TRPM1: variants seen among roughly 807,000 people sequenced by gnomAD.
TRPM1 encodes the protein TRPM1-203 APA Isoform, Intron 10.
In TRPM1, 113 loss-of-function variants were observed where a neutral mutation model predicts 149.4. The observed-to-expected ratio is 0.76, with a 90% CI of 0.65 to 0.88. The LOEUF (loss-of-function observed/expected upper bound fraction) is 0.88. TRPM1 is among the 40% of genes least tolerant of loss of function. TRPM1 has a pLI of 0.00. For missense variants in TRPM1, 1,976 were observed against 2,038.7 expected (o/e 0.97, Z 0.59); for synonymous variants, 741 against 759.5 (o/e 0.98, Z 0.40).
At chr15:31,158,626 CAAAA>C (rs749062439) in intron 1 of TRPM1, among the ~76,000 whole-genome samples, 1 of 59,790 alleles carries the variant, frequency 1.7e-5, no homozygotes. Context: ...GACTCCATCT[CAAAA>C]AAAAAAAAAA....
At chr15:31,125,546 C>T (rs1352771972) in intron 1 of TRPM1, among the ~76,000 whole-genome samples, 3 of 149,630 alleles carry the variant, frequency 2.0e-5, no homozygotes, top group East Asian at 2.0e-4. Flanking sequence ...CCGGCTAAAA[C>T]GGTGAAACCT....
intron 1 of TRPM1, among the ~76,000 whole-genome samples, chr15:31,108,857 A>C (rs934935789): frequency 3.3e-5 from 5 of 152,220 alleles, no homozygotes; most frequent in African/African-American, 1.2e-4. Context: ...GACTGTAATG[A>C]AGTGGAAAGT....
intron 27 of TRPM1, among the ~76,000 whole-genome samples, chr15:31,022,995 C>G (rs374726677): frequency 6.6e-6 from 1 of 152,218 alleles, no homozygotes; most frequent in Admixed American, 6.5e-5. Context: ...GCACTGGGCA[C>G]AGAGCGAGAC....
intron 3 of TRPM1, among the ~76,000 whole-genome samples, chr15:31,071,834 C>A (rs943614763): frequency 2.0e-5 from 3 of 151,188 alleles, no homozygotes; most frequent in Non-Finnish European, 4.4e-5. Context: ...TGTGGTGGCA[C>A]ACGTCTGTAA....
intron 1 of TRPM1, among the ~76,000 whole-genome samples, chr15:31,141,486 A>G (rs1402243519): frequency 2.0e-5 from 3 of 152,186 alleles, no homozygotes; most frequent in Non-Finnish European, 4.4e-5. Flanking sequence ...CAAAATATGG[A>G]CTAAGGAAGA....
At chr15:31,069,554 G>A in intron 4 of TRPM1, 1 of 1,184,924 alleles carries the variant, frequency 8.4e-7, no homozygotes, top group East Asian at 3.8e-5. Context: ...CACTGGAAGG[G>A]CAGAGGGCAC....
At position 31,050,504 on chromosome 15, in the gene TRPM1, C is replaced by T. The variant is rs73372436; in HGVS notation, c.1342G>A (p.Gly448Arg). The T allele has an allele frequency of 1.8e-3, 2,915 of 1,614,100 alleles. 51 individuals carry two copies. The African/African-American group carries it at 0.034, about 19-fold the overall frequency. ...EKKPPMATTK[G>R]GRGKGKGKKK... ...TTGCCTTTCCCTTTTCCTCTTCCTC[C>T]CTTGGTGGTGGCCATGGGTGGCTTC... Residue 448 changes from glycine to arginine, a missense_variant, in exon 12 of 28, where the codon GGA becomes AGA. Gly to Arg is a moderately radical substitution (Grantham distance 125). This residue lies in a region of TRPM1 where 1,332 missense variants were observed against 1,347.1 expected (regional missense o/e 0.99). Coordinates refer to ENST00000256552, the MANE Select transcript of TRPM1 (RefSeq NM_001252024.2).
intron 9 of TRPM1, 57 bp from the exon 10 acceptor site, chr15:31,061,571 G>A (rs2034233391): frequency 6.8e-7 from 1 of 1,479,672 alleles, no homozygotes. Context: ...GGAGATATGG[G>A]GTGTTGTTAC....
chr15:31,155,040 G>A (rs2036349540), intron 1 of TRPM1, among the ~76,000 whole-genome samples: 1 of 152,220 alleles, frequency 6.6e-6, no homozygotes, highest in Non-Finnish European at 1.5e-5. Context: ...CTGTCTCCAT[G>A]AATTGGCTCT....
chr15:31,041,617 ACAGGCT>A (rs1406210107), intron 17 of TRPM1, among the ~76,000 whole-genome samples: 1 of 152,226 alleles, frequency 6.6e-6, no homozygotes, highest in African/African-American at 2.4e-5. Flanking sequence ...AGTCCAGGGC[ACAGGCT>A]CATTAATGTT....
intron 1 of TRPM1, among the ~76,000 whole-genome samples, chr15:31,094,521 C>T (rs1202667861): frequency 1.3e-5 from 2 of 152,138 alleles, no homozygotes; most frequent in Non-Finnish European, 2.9e-5. Flanking sequence ...AACTCAACAA[C>T]AAAAAGACAA....
intron 27 of TRPM1, among the ~76,000 whole-genome samples, chr15:31,024,006 AT>A (rs2140895226): frequency 6.6e-6 from 1 of 152,306 alleles, no homozygotes; most frequent in Admixed American, 6.5e-5. Flanking sequence ...GAGGAGAATG[AT>A]TAATGGGTAC....
intron 1 of TRPM1, among the ~76,000 whole-genome samples, chr15:31,141,110 G>T (rs545439444): frequency 1.3e-5 from 2 of 152,042 alleles, no homozygotes; most frequent in African/African-American, 4.8e-5. Context: ...GGGATTACAG[G>T]CATGAGCCAC....
chr15:31,104,742 T>A (rs181991321), upstream of TRPM1, among the ~76,000 whole-genome samples: 3 of 151,934 alleles, frequency 2.0e-5, no homozygotes, highest in African/African-American at 4.8e-5. Context: ...TACAGGTGCC[T>A]GCCACCACGC....
intron 1 of TRPM1, among the ~76,000 whole-genome samples, chr15:31,120,207 T>C (rs2035857441): frequency 6.6e-6 from 1 of 152,082 alleles, no homozygotes; most frequent in Admixed American, 6.6e-5. Flanking sequence ...AGTTAAAATA[T>C]AGGGAAAGAT....
At chr15:31,145,593 C>T (rs1474494487) in intron 1 of TRPM1, among the ~76,000 whole-genome samples, 2 of 152,138 alleles carry the variant, frequency 1.3e-5, no homozygotes, top group African/African-American at 4.8e-5. Context: ...AGGTAGCACT[C>T]TCTTTTTTAA....
chr15:31,002,815 A>G lies in TRPM1; in HGVS notation c.3885T>C (p.Tyr1295=). 1 of 1,614,210 alleles carries G rather than the reference A, an allele frequency of 6.2e-7. No individual in the cohort carries two copies. Residue 1295 remains tyrosine (Y), a synonymous_variant, in exon 28 of 28, where the codon TAT becomes TAC. Coordinates refer to ENST00000256552, the MANE Select transcript of TRPM1 (RefSeq NM_001252024.2). ...SINSADGYSL[Y]RYHFNGEELL... is the part of the protein sequence containing the mutation. ...ACTCTTCTCCGTTAAAATGATATCG[A>G]TACAAGCTGTAGCCATCAGCGCTAT...
Position 31,115,512 on chromosome 15 carries a change from G to T in TRPM1, c.55-38528C>A, listed in dbSNP as rs73375948. 2.4e-3 allele frequency among the ~76,000 whole-genome samples: 369 copies of T among 152,254 alleles called. 3 individuals carry two copies. Among genetic ancestry groups the T allele is most frequent in the African/African-American group, 8.7e-3 (360 of 41,562 alleles). ...AAATGCTAGAGCCAGAAATGGGTAG[G>T]ACTGAAGCTGTAATTGATGAATTTC... On this transcript the variant is annotated intron_variant, in intron 1 of 26. Coordinates refer to the TRPM1 transcript ENST00000542188.
intron 1 of TRPM1, among the ~76,000 whole-genome samples, chr15:31,113,850 C>A (rs528873873): frequency 6.6e-6 from 1 of 152,148 alleles, no homozygotes; most frequent in African/African-American, 2.4e-5. Context: ...AAAACAACGA[C>A]GCTCCCACAC....
Sources: gnomAD v4.1 joint callset for allele counts (sites outside exome capture counted in the v4.1 genomes callset) on GRCh38, gnomAD v4.1.1 for gene constraint, gnomAD v4.1.1 regional missense constraint, MANE v1.5 for transcripts, NCBI Gene and HGNC (gene_info 2026-07-23, HGNC 2026-07-21) for gene names.